FAF1: variants seen among roughly 807,000 people sequenced by gnomAD.
FAF1 encodes Fas associated factor 1.
A neutral mutation model predicts 92.5 loss-of-function variants in FAF1; 25 were observed. That is an observed-to-expected ratio of 0.27 (90% confidence interval 0.20 to 0.38). The LOEUF is 0.38. FAF1 is among the 10% of genes least tolerant of loss of function. The pLI, the probability that FAF1 is intolerant of heterozygous loss-of-function variation, is 1.00. For synonymous variants in FAF1, 234 were observed against 273.2 expected, an observed-to-expected ratio of 0.86 and a Z score of 1.42; for missense variants, 636 against 793.3, an observed-to-expected ratio of 0.80 and a Z score of 2.38.
chr1:50,553,944 G>A (rs1369300815), intron 13 of FAF1, among the ~76,000 whole-genome samples: 2 of 151,728 alleles, frequency 1.3e-5, no homozygotes, highest in Non-Finnish European at 2.9e-5. Flanking sequence ...CCCTGTCTTG[G>A]CAATATTCAA....
At chr1:50,685,346 C>T (rs558521623) in intron 7 of FAF1, among the ~76,000 whole-genome samples, 6 of 152,084 alleles carry the variant, frequency 3.9e-5, no homozygotes, top group African/African-American at 1.4e-4. Flanking sequence ...GGGAAGTGAT[C>T]CTACTGTTAT....
intron 8 of FAF1, among the ~76,000 whole-genome samples, chr1:50,613,794 A>C (rs1440204674): frequency 6.6e-6 from 1 of 151,954 alleles, no homozygotes; most frequent in Non-Finnish European, 1.5e-5. Flanking sequence ...TTATATTAAA[A>C]AAACAAACAA....
chr1:50,754,528 C>T (rs1177405303), intron 4 of FAF1, among the ~76,000 whole-genome samples: 1 of 152,072 alleles, frequency 6.6e-6, no homozygotes, highest in East Asian at 1.9e-4. Context: ...CCTGTTATTC[C>T]ATACTGGCTG....
At chr1:50,876,999 G>C (rs928844789) in intron 1 of FAF1, among the ~76,000 whole-genome samples, 1 of 152,182 alleles carries the variant, frequency 6.6e-6, no homozygotes, top group African/African-American at 2.4e-5. Context: ...TAAATAAACA[G>C]GGAAGAGACA....
chr1:50,825,913 A>C (rs2124625999), intron 2 of FAF1, among the ~76,000 whole-genome samples: 1 of 152,304 alleles, frequency 6.6e-6, no homozygotes, highest in Non-Finnish European at 1.5e-5. Flanking sequence ...TATACCTCAA[A>C]ATAACTCTCA....
chr1:50,619,883 G>C (rs1439055136), intron 8 of FAF1, among the ~76,000 whole-genome samples: 1 of 150,936 alleles, frequency 6.6e-6, no homozygotes, highest in Non-Finnish European at 1.5e-5. Context: ...AAATGCCAAT[G>C]AATAGTAGAT....
At chr1:50,956,394 G>A (rs1226428856) in intron 1 of FAF1, among the ~76,000 whole-genome samples, 1 of 151,994 alleles carries the variant, frequency 6.6e-6, no homozygotes, top group Non-Finnish European at 1.5e-5. Context: ...CCTTCTCAAA[G>A]GTTTTTCCAC....
intron 18 of FAF1, among the ~76,000 whole-genome samples, chr1:50,463,631 A>G (rs1646459770): frequency 6.6e-6 from 1 of 152,244 alleles, no homozygotes; most frequent in African/African-American, 2.4e-5. Context: ...TTTAGGGTTG[A>G]ATGAAAATTA....
At chr1:50,948,424 G>A (rs1003408624) in intron 1 of FAF1, among the ~76,000 whole-genome samples, 8 of 152,148 alleles carry the variant, frequency 5.3e-5, no homozygotes, top group Non-Finnish European at 2.9e-5. Context: ...AAGGCAAAGC[G>A]GGAGACAGCC....
chr1:50,506,702 T>C (rs1367392599), intron 15 of FAF1, among the ~76,000 whole-genome samples: 6 of 152,224 alleles, frequency 3.9e-5, no homozygotes, highest in African/African-American at 1.4e-4. Flanking sequence ...TAGTGAATGC[T>C]TACTATACAT....
intron 4 of FAF1, among the ~76,000 whole-genome samples, chr1:50,782,977 CTGAG>C (rs979965795): frequency 1.3e-5 from 2 of 151,672 alleles, no homozygotes; most frequent in Non-Finnish European, 2.9e-5. Context: ...ATCAACAATA[CTGAG>C]TGTTTTTTTT....
At chr1:50,694,901 G>A (rs1657120963) in intron 7 of FAF1, among the ~76,000 whole-genome samples, 1 of 151,824 alleles carries the variant, frequency 6.6e-6, no homozygotes, top group African/African-American at 2.4e-5. Context: ...GGTGGAGGTT[G>A]CAGGGAGCCG....
intron 3 of FAF1, among the ~76,000 whole-genome samples, chr1:50,789,943 T>C (rs932262551): frequency 6.6e-6 from 1 of 152,168 alleles, no homozygotes; most frequent in African/African-American, 2.4e-5. Flanking sequence ...AAGAATATCC[T>C]TTCCTCCATT....
intron 2 of FAF1, among the ~76,000 whole-genome samples, chr1:50,850,541 C>A (rs1644339561): frequency 6.6e-6 from 1 of 151,974 alleles, no homozygotes; most frequent in Admixed American, 6.6e-5. Flanking sequence ...TTGAGAGAAA[C>A]TGAGTACATG....
At chr1:50,654,461 AT>A (rs1332406532) in intron 8 of FAF1, among the ~76,000 whole-genome samples, 1 of 152,164 alleles carries the variant, frequency 6.6e-6, no homozygotes, top group Non-Finnish European at 1.5e-5. Context: ...TCCTTATATA[AT>A]GAAATTTACT....
At chr1:50,905,450 G>A (rs1249239910) in intron 1 of FAF1, among the ~76,000 whole-genome samples, 1 of 152,176 alleles carries the variant, frequency 6.6e-6, no homozygotes, top group Non-Finnish European at 1.5e-5. Flanking sequence ...GATCCTTGAG[G>A]AATCGCCACA....
chr1:50,708,721 G>T (rs1557486534), intron 6 of FAF1, among the ~76,000 whole-genome samples: 1 of 152,062 alleles, frequency 6.6e-6, no homozygotes, highest in Non-Finnish European at 1.5e-5. Flanking sequence ...ATCAAGCAGA[G>T]GAGAATGAGT....
intron 1 of FAF1, among the ~76,000 whole-genome samples, chr1:50,930,606 C>T (rs1288900497): frequency 2.6e-5 from 4 of 152,104 alleles, no homozygotes; most frequent in African/African-American, 9.7e-5. Flanking sequence ...GAGGCCAAGG[C>T]GGGTGGATCA....
At chr1:50,786,645 T>G (rs1483391822) in intron 4 of FAF1, among the ~76,000 whole-genome samples, 1 of 152,202 alleles carries the variant, frequency 6.6e-6, no homozygotes, top group Non-Finnish European at 1.5e-5. Flanking sequence ...TGCAAATGGG[T>G]ACAGGGTGAA....
Sources: allele counts gnomAD v4.1 joint callset (sites outside exome capture counted in the v4.1 genomes callset), GRCh38; gene constraint gnomAD v4.1.1; transcripts MANE v1.5; gene names NCBI Gene and HGNC (gene_info 2026-07-23, HGNC 2026-07-21).